The following SLC4A5 variants were observed in gnomAD, a reference collection of about 807,000 sequenced individuals.
The protein encoded by SLC4A5 is solute carrier family 4 member 5, also known as electrogenic sodium bicarbonate cotransporter 4.
In SLC4A5, 96 loss-of-function variants were observed where a neutral mutation model predicts 120.4. The observed-to-expected ratio is 0.80, with a 90% CI of 0.68 to 0.94. SLC4A5 has a LOEUF of 0.94. Among genes scored for constraint, SLC4A5 ranks in the 40% least tolerant of loss-of-function variants. The pLI is 0.00. For missense variants in SLC4A5, 1,259 were observed against 1,459.5 expected (o/e 0.86, Z 2.24); for synonymous variants, 550 against 571.1 (o/e 0.96, Z 0.53).
At chr2:74,259,104 C>T (rs1671056582) in intron 12 of SLC4A5, among the ~76,000 whole-genome samples, 1 of 152,196 alleles carries the variant, frequency 6.6e-6, no homozygotes, top group Non-Finnish European at 1.5e-5. Flanking sequence ...GAATTCTGAT[C>T]TCATCACGAG....
chr2:74,226,842 G>A, intron 27 of SLC4A5, 115 bp downstream of exon 27: 1 of 1,245,814 alleles, frequency 8.0e-7, no homozygotes, highest in Non-Finnish European at 1.1e-6. Context: ...ACCCGAGGGA[G>A]CCAGGCCACA....
intron 6 of SLC4A5, chr2:74,307,326 G>A: frequency 1.7e-6 from 1 of 575,262 alleles, no homozygotes; most frequent in Non-Finnish European, 3.3e-6. Flanking sequence ...GGTCAACCCA[G>A]AGCTGGTAAT....
At chr2:74,232,534 G>A (rs1172775697) in exon 24 of SLC4A5, 11 of 1,613,870 alleles carry the variant, frequency 6.8e-6, no homozygotes, top group Admixed American at 1.7e-5. Context: ...TGAGGCTGTC[G>A]ATGTGGGCGA....
At chr2:74,234,279 C>T (rs891797007) in intron 22 of SLC4A5, among the ~76,000 whole-genome samples, 2 of 151,734 alleles carry the variant, frequency 1.3e-5, no homozygotes, top group Non-Finnish European at 2.9e-5. Flanking sequence ...CCCGGATTCA[C>T]GCCATTCTCC....
At chr2:74,236,043 CAT>C (rs1670256791) in intron 21 of SLC4A5, among the ~76,000 whole-genome samples, 1 of 152,172 alleles carries the variant, frequency 6.6e-6, no homozygotes, top group Non-Finnish European at 1.5e-5. Context: ...ATTAACATAA[CAT>C]ATGTAATTGG....
Position 74,315,033 on chromosome 2 carries a change from G to A in SLC4A5, c.-2-8C>T. On this transcript the variant is annotated splice_region_variant and splice_polypyrimidine_tract_variant and intron_variant, in intron 5 of 30. Coordinates refer to ENST00000394019, the Ensembl canonical transcript of SLC4A5. The stretch of plus-strand genomic sequence containing the variant: ...CCTCCTTCACCTTCATGACTATAAA[G>A]TAAAAGGAACACAGCCTCAAAATGT... 6.2e-7 allele frequency: 1 copy of A among 1,611,224 alleles called. No individual in the cohort carries two copies. The highest frequency in any genetic ancestry group is 8.5e-7 in the Non-Finnish European group (1 of 1,177,476).
At chr2:74,219,230 T>TGTGTGTG in intron 30 of SLC4A5, among the ~76,000 whole-genome samples, 2 of 147,148 alleles carry the variant, frequency 1.4e-5, no homozygotes, top group East Asian at 2.0e-4. Context: ...TTTGTGTGTG[T>TGTGTGTG]TTTCAAATGG....
chr2:74,222,754 G>T, intron 29 of SLC4A5, 114 bp downstream of exon 29: 4 of 962,288 alleles, frequency 4.2e-6, no homozygotes, highest in Non-Finnish European at 4.9e-6. Context: ...GTTGGGGACT[G>T]CTGCTCTAGC....
intron 5 of SLC4A5, among the ~76,000 whole-genome samples, chr2:74,321,357 G>C (rs989835594): frequency 1.3e-5 from 2 of 152,176 alleles, no homozygotes; most frequent in Non-Finnish European, 2.9e-5. Context: ...TCCCTTCCTA[G>C]ATAAAGCATT....
chr2:74,311,746 CTA>C (rs1672811251), intron 6 of SLC4A5, among the ~76,000 whole-genome samples: 9 of 152,128 alleles, frequency 5.9e-5, no homozygotes, highest in Middle Eastern at 3.4e-3. Flanking sequence ...GGTGGATATT[CTA>C]CATGAGCTTG....
intron 28 of SLC4A5, among the ~76,000 whole-genome samples, chr2:74,224,575 C>T (rs1415191260): frequency 6.6e-6 from 1 of 152,182 alleles, no homozygotes; most frequent in Non-Finnish European, 1.5e-5. Context: ...GTAAAGCCCA[C>T]AGTGATGGAA....
chr2:74,341,560 G>A (rs1455448544), intron 2 of SLC4A5, among the ~76,000 whole-genome samples: 1 of 152,096 alleles, frequency 6.6e-6, no homozygotes, highest in Non-Finnish European at 1.5e-5. Context: ...TTTACACAGG[G>A]GGCACTGAGA....
chr2:74,302,483 G>A (rs1672502256), intron 7 of SLC4A5, among the ~76,000 whole-genome samples: 1 of 152,140 alleles, frequency 6.6e-6, no homozygotes, highest in Admixed American at 6.5e-5. Flanking sequence ...TGGGCGTGGT[G>A]GTACGTGCCT....
At chr2:74,220,210 C>A (rs1205656454) in intron 30 of SLC4A5, among the ~76,000 whole-genome samples, 1 of 152,232 alleles carries the variant, frequency 6.6e-6, no homozygotes, top group East Asian at 1.9e-4. Flanking sequence ...CCCACTATGT[C>A]ATCATCAGGG....
exon 15 of SLC4A5, chr2:74,253,014 G>A (rs772534936): frequency 6.2e-6 from 10 of 1,614,106 alleles, no homozygotes; most frequent in East Asian, 2.2e-5. Context: ...GGCTCAATCC[G>A]GATATTTGGG....
intron 25 of SLC4A5, among the ~76,000 whole-genome samples, chr2:74,230,638 G>C (rs1273969651): frequency 6.6e-6 from 1 of 152,158 alleles, no homozygotes; most frequent in Admixed American, 6.5e-5. Context: ...GCTACAACTT[G>C]GCAGAACTTT....
At chr2:74,253,475 T>C (rs6546896) in intron 14 of SLC4A5, among the ~76,000 whole-genome samples, 97,598 of 152,078 alleles carry the variant, frequency 0.64, 32,522 homozygotes, top group African/African-American at 0.83. Context: ...AGATATTTCA[T>C]AACCATTTTT....
chr2:74,343,321 T>C (rs1445902214), intron 1 of SLC4A5, 35 bp downstream of exon 1: 1 of 152,214 alleles, frequency 6.6e-6, no homozygotes, highest in Non-Finnish European at 1.5e-5. Flanking sequence ...ACAACCACTC[T>C]GTAACTTTAT....
chr2:74,220,115 G>A (rs964356995), intron 30 of SLC4A5, among the ~76,000 whole-genome samples: 1 of 152,238 alleles, frequency 6.6e-6, no homozygotes, highest in Admixed American at 6.5e-5. Context: ...GCACAAGGTA[G>A]GAGTGGGACT....
Sources: allele counts gnomAD v4.1 joint callset (sites outside exome capture counted in the v4.1 genomes callset), GRCh38; gene constraint gnomAD v4.1.1; transcripts MANE v1.5; gene names NCBI Gene and HGNC (gene_info 2026-07-23, HGNC 2026-07-21).